NDRG3: variants seen among roughly 807,000 people sequenced by gnomAD.
NDRG3 encodes protein NDRG3.
Under a neutral mutation model 57.2 loss-of-function variants are expected in NDRG3, and 23 were observed. The observed-to-expected ratio is 0.40, with a 90% CI of 0.29 to 0.57. NDRG3 has a LOEUF of 0.57. Among genes scored for constraint, NDRG3 ranks in the 20% least tolerant of loss-of-function variants. The pLI, the probability that NDRG3 is intolerant of heterozygous loss-of-function variation, is 0.42. For synonymous variants in NDRG3, 132 were observed against 162.6 expected (o/e 0.81, Z 1.43); for missense variants, 384 against 457.3 (o/e 0.84, Z 1.46).
chr20:36,716,985 C>T (rs1984314982), intron 2 of NDRG3, among the ~76,000 whole-genome samples: 1 of 152,156 alleles, frequency 6.6e-6, no homozygotes, highest in Admixed American at 6.6e-5. Flanking sequence ...GTTAAAATAT[C>T]TTCAACTATT....
At chr20:36,718,281 C>T (rs6124232) in intron 2 of NDRG3, among the ~76,000 whole-genome samples, 1 of 152,172 alleles carries the variant, frequency 6.6e-6, no homozygotes, top group East Asian at 1.9e-4. Flanking sequence ...TAAAGAGGGC[C>T]TCTTGCCTAT....
At position 36,652,799 on chromosome 20, in the gene NDRG3, C is replaced by A. The variant is rs1428685709; in HGVS notation, c.*721G>T. The A allele has an allele frequency of 6.6e-6, 1 of 152,224 alleles. No homozygotes were observed. Among genetic ancestry groups the A allele is most frequent in the African/African-American group, 2.4e-5 (1 of 41,444 alleles). 9.4% of individuals were successfully genotyped at this position (152,224 alleles called of 1,614,324 possible). On this transcript the variant is annotated 3_prime_UTR_variant, in exon 16 of 16. Coordinates refer to ENST00000349004, the MANE Select transcript of NDRG3 (RefSeq NM_032013.4). The stretch of plus-strand genomic sequence containing the variant: ...GAAAAAACTCTATGTTGTATCAGAA[C>A]CTCAGCGATGGTTCATGGGCTTCCA...
At chr20:36,674,267 T>C (rs1272921155) in intron 8 of NDRG3, among the ~76,000 whole-genome samples, 1 of 151,430 alleles carries the variant, frequency 6.6e-6, no homozygotes, top group Admixed American at 6.6e-5. Flanking sequence ...TGGTGCAATC[T>C]TGACTCACTG....
intron 12 of NDRG3, among the ~76,000 whole-genome samples, chr20:36,662,920 A>T (rs186854147): frequency 3.0e-4 from 45 of 152,332 alleles, no homozygotes; most frequent in African/African-American, 1.0e-3. Flanking sequence ...CACACAATTT[A>T]AAAAAGGCAA....
At chr20:36,711,601 G>A (rs1490436551) in intron 2 of NDRG3, among the ~76,000 whole-genome samples, 1 of 152,140 alleles carries the variant, frequency 6.6e-6, no homozygotes, top group Admixed American at 6.5e-5. Flanking sequence ...CTCGGTCCCT[G>A]ACATGAGCAC....
intron 9 of NDRG3, chr20:36,668,749 AT>A (rs1010467279): frequency 1.1e-4 from 17 of 151,534 alleles, no homozygotes; most frequent in Middle Eastern, 7.0e-3. Flanking sequence ...TTAAACATAT[AT>A]TTTTTATATA....
intron 1 of NDRG3, among the ~76,000 whole-genome samples, chr20:36,726,917 T>C (rs1203216189): frequency 6.6e-6 from 1 of 150,752 alleles, no homozygotes; most frequent in Non-Finnish European, 1.5e-5. Flanking sequence ...TTTCTTTCTT[T>C]TTTTTTTTTT....
In NDRG3 at chr20:36,711,286, A is replaced by T. The variant is rs183903422; in HGVS notation, c.58-4279T>A. Among the ~76,000 whole-genome samples the T allele has an allele frequency of 9.8e-4, 146 of 148,930 alleles. 1 individual carries two copies. Among genetic ancestry groups the T allele is most frequent in the Admixed American group, 1.7e-3 (26 of 15,110 alleles). ...AGTGCGAGACTCCGTCTCAAAAAAA[A>T]AATAATAATAATAAATAAATAAATA... is the stretch of plus-strand genomic sequence containing the variant. On this transcript the variant is annotated intron_variant, in intron 2 of 15. Transcript: ENST00000349004.
chr20:36,665,327 C>T (rs1160979453), intron 10 of NDRG3, 26 bp from the exon 11 acceptor site: 2 of 1,611,126 alleles, frequency 1.2e-6, no homozygotes, highest in Non-Finnish European at 1.7e-6. Flanking sequence ...AGAAGCAATG[C>T]CCTTTTTGGG....
At chr20:36,660,246 A>G in intron 13 of NDRG3, 91 bp downstream of exon 13, 1 of 1,002,386 alleles carries the variant, frequency 1.0e-6, no homozygotes, top group Admixed American at 2.2e-5. Flanking sequence ...AAGAGAGGGA[A>G]GCTTTGCTCC....
chr20:36,690,008 C>A (rs946468034), intron 3 of NDRG3, among the ~76,000 whole-genome samples: 2 of 152,100 alleles, frequency 1.3e-5, no homozygotes, highest in Non-Finnish European at 2.9e-5. Context: ...ACGTGAGCCA[C>A]CGCGCCCAGC....
chr20:36,678,955 T>C (rs941226980), intron 8 of NDRG3, among the ~76,000 whole-genome samples: 1 of 152,254 alleles, frequency 6.6e-6, no homozygotes, highest in African/African-American at 2.4e-5. Flanking sequence ...TTTATTTTTA[T>C]TTTTGTTTTC....
intron 1 of NDRG3, among the ~76,000 whole-genome samples, chr20:36,745,153 C>T (rs1022333249): frequency 1.3e-5 from 2 of 152,080 alleles, no homozygotes; most frequent in African/African-American, 4.8e-5. Context: ...AAGGGGGAAG[C>T]ATTTGGATTG....
intron 12 of NDRG3, among the ~76,000 whole-genome samples, chr20:36,661,970 G>A (rs556510211): frequency 5.3e-5 from 8 of 152,256 alleles, no homozygotes; most frequent in African/African-American, 1.9e-4. Context: ...TGCAGGCAGT[G>A]ACAAACAAAT....
chr20:36,674,255 A>C (rs1245373997), intron 8 of NDRG3, among the ~76,000 whole-genome samples: 2 of 151,804 alleles, frequency 1.3e-5, no homozygotes, highest in Admixed American at 6.6e-5. Context: ...GCTGGAGTGC[A>C]GTGGTGCAAT....
rs750741032 is a variant in NDRG3 at position 36,653,680 on chromosome 20, C to T, written c.968G>A (p.Arg323Gln). 31 of 1,613,512 alleles carry T rather than the reference C, an allele frequency of 1.9e-5. No individual in the cohort carries two copies. The highest frequency in any genetic ancestry group is 3.3e-5 in the South Asian group (3 of 91,066). The change falls in exon 16 of 16, where the codon CGG becomes CAG. Residue 323 changes from arginine to glutamine, a missense_variant. Coordinates refer to ENST00000349004, the MANE Select transcript of NDRG3 (RefSeq NM_032013.4). This position sits in a 1 kb window ranked among gnomAD's most constrained non-coding sequence, Gnocchi z 4.2. ...MGYIPSASMT[R>Q]LARSRTHSTS... ...TGAGTGGGTTCGTGATCGGGCGAGC[C>T]GAGTCATGCTGGCAGATGGTACTGT...
intron 2 of NDRG3, among the ~76,000 whole-genome samples, chr20:36,714,281 T>C (rs1478431043): frequency 6.6e-6 from 1 of 151,020 alleles, no homozygotes; most frequent in Non-Finnish European, 1.5e-5. Flanking sequence ...GGTGGGCACC[T>C]ATAATCCCAG....
intron 2 of NDRG3, among the ~76,000 whole-genome samples, chr20:36,707,909 C>T (rs974079458): frequency 5.3e-5 from 8 of 151,956 alleles, no homozygotes; most frequent in Admixed American, 5.2e-4. Flanking sequence ...CATGGTGAAA[C>T]CCCGTCTCTA....
chr20:36,670,284 A>C (rs1980035258), intron 9 of NDRG3, among the ~76,000 whole-genome samples: 1 of 152,188 alleles, frequency 6.6e-6, no homozygotes, highest in East Asian at 1.9e-4. Context: ...ACCTCAATTA[A>C]AGAGAGGGCA....
Sources: gnomAD v4.1 joint callset for allele counts (sites outside exome capture counted in the v4.1 genomes callset) on GRCh38, gnomAD v4.1.1 for gene constraint, Gnocchi (gnomAD v3.1) non-coding constraint, MANE v1.5 for transcripts, NCBI Gene and HGNC (gene_info 2026-07-23, HGNC 2026-07-21) for gene names.